The following THSD4 variants were observed in gnomAD, a reference collection of about 807,000 sequenced individuals.
The protein encoded by THSD4 is thrombospondin type 1 domain containing 4.
A neutral mutation model predicts 119.0 loss-of-function variants in THSD4; 69 were observed. That is an observed-to-expected ratio of 0.58 (90% confidence interval 0.48 to 0.71). The LOEUF (loss-of-function observed/expected upper bound fraction) is 0.71. THSD4 is among the 30% of genes least tolerant of loss of function. The pLI is 0.00. For missense variants in THSD4, 1,393 were observed against 1,391.1 expected (o/e 1.00, Z -0.02); for synonymous variants, 524 against 540.4 (o/e 0.97, Z 0.42).
chr15:71,436,980 G>C (rs2047021956), intron 7 of THSD4, among the ~76,000 whole-genome samples: 2 of 152,192 alleles, frequency 1.3e-5, no homozygotes, highest in Admixed American at 6.5e-5. Context: ...CTGCTATAAA[G>C]AAGACACCTG....
At chr15:71,720,022 C>CTTTTTT (rs750020826) in intron 8 of THSD4, among the ~76,000 whole-genome samples, 1 of 114,502 alleles carries the variant, frequency 8.7e-6, no homozygotes, top group Admixed American at 1.2e-4. Context: ...ATAACATGTG[C>CTTTTTT]TTTTTTTTTT....
intron 3 of THSD4, among the ~76,000 whole-genome samples, chr15:71,162,346 T>G (rs1834234062): frequency 6.6e-6 from 1 of 152,084 alleles, no homozygotes; most frequent in South Asian, 2.1e-4. Flanking sequence ...TTTGCTTGTC[T>G]GGGAAGGTCT....
intron 6 of THSD4, among the ~76,000 whole-genome samples, chr15:71,303,749 G>A (rs1515674): frequency 0.047 from 7,155 of 152,156 alleles, 194 homozygotes; most frequent in South Asian, 0.084. Flanking sequence ...CTGGTGCGCT[G>A]GATTAGTCAT....
At chr15:71,119,629 A>G (rs1274188319) in intron 1 of THSD4, among the ~76,000 whole-genome samples, 1 of 152,180 alleles carries the variant, frequency 6.6e-6, no homozygotes, top group Non-Finnish European at 1.5e-5. Flanking sequence ...CCCACCTGCC[A>G]CCAGACTCAC....
Position 71,590,497 on chromosome 15 carries a change from G to A in THSD4, c.1153-70033G>A, listed in dbSNP as rs566495201. On this transcript the variant is annotated intron_variant, in intron 7 of 17. Coordinates refer to ENST00000261862, the MANE Select transcript of THSD4 (RefSeq NM_024817.3). ...ACTGCATGTTCTCACTTATAAGTGG[G>A]ACCTGAATGATGAGAACACATGGAC... 4.0e-5 allele frequency among the ~76,000 whole-genome samples: 5 copies of A among 124,338 alleles called. 1 individual carries two copies. The South Asian group carries it at 1.4e-3, about 36-fold the overall frequency. 81.6% of individuals were successfully genotyped at this position (124,338 alleles called of 152,430 possible).
At chr15:71,432,114 G>A (rs1031941983) in intron 7 of THSD4, among the ~76,000 whole-genome samples, 2 of 151,750 alleles carry the variant, frequency 1.3e-5, no homozygotes, top group African/African-American at 4.8e-5. Flanking sequence ...TACTATTTTG[G>A]AACACATATT....
chr15:71,736,337 C>G (rs957259393), intron 10 of THSD4, among the ~76,000 whole-genome samples: 4 of 151,152 alleles, frequency 2.6e-5, no homozygotes, highest in African/African-American at 4.9e-5. Context: ...TGCTCTCTAT[C>G]TCTGACTCTC....
chr15:71,109,056 C>T (rs1221398175), intron 1 of THSD4, among the ~76,000 whole-genome samples: 4 of 152,166 alleles, frequency 2.6e-5, no homozygotes, highest in Non-Finnish European at 5.9e-5. Context: ...CTCTCTTCCA[C>T]CTCTAGAATT....
At chr15:71,482,314 G>A (rs895102842) in intron 7 of THSD4, among the ~76,000 whole-genome samples, 25 of 111,900 alleles carry the variant, frequency 2.2e-4, no homozygotes, top group Non-Finnish European at 4.0e-4. Flanking sequence ...TTTTTGAGAC[G>A]GAGTCTTGCT....
At chr15:71,430,190 G>C (rs1176850272) in intron 7 of THSD4, among the ~76,000 whole-genome samples, 1 of 151,944 alleles carries the variant, frequency 6.6e-6, no homozygotes, top group Non-Finnish European at 1.5e-5. Context: ...AAGTCAGAAG[G>C]GTAGGAGAAA....
chr15:71,768,438 C>T (rs2053753092), intron 16 of THSD4, among the ~76,000 whole-genome samples: 1 of 152,082 alleles, frequency 6.6e-6, no homozygotes, highest in South Asian at 2.1e-4. Flanking sequence ...CACCCCACCA[C>T]CGCAACCAAA....
At chr15:71,370,057 G>GT (rs200395477) in intron 6 of THSD4, among the ~76,000 whole-genome samples, 29,639 of 151,932 alleles carry the variant, frequency 0.2, 3,198 homozygotes, top group Non-Finnish European at 0.25. Flanking sequence ...AGATTTTCTA[G>GT]TTTTTTTGTG....
chr15:71,306,754 A>C (rs143655747), intron 6 of THSD4, among the ~76,000 whole-genome samples: 16 of 152,312 alleles, frequency 1.1e-4, no homozygotes, highest in Admixed American at 1.3e-4. Context: ...AAAGGTTCTG[A>C]GAAGTCCTGC....
intron 6 of THSD4, among the ~76,000 whole-genome samples, chr15:71,337,538 T>G (rs529439302): frequency 6.6e-6 from 1 of 152,214 alleles, no homozygotes; most frequent in Non-Finnish European, 1.5e-5. Flanking sequence ...GATAAACAGG[T>G]CTGGCCTGAT....
At chr15:71,547,253 C>T (rs530674262) in intron 7 of THSD4, 5 of 1,408,400 alleles carry the variant, frequency 3.6e-6, no homozygotes, top group East Asian at 2.7e-5. Flanking sequence ...AGGCTGAGCT[C>T]GAAGCGCCGG....
At chr15:71,307,788 CT>C (rs1400370934) in intron 6 of THSD4, among the ~76,000 whole-genome samples, 1 of 152,062 alleles carries the variant, frequency 6.6e-6, no homozygotes, top group Non-Finnish European at 1.5e-5. Flanking sequence ...ACAAAAAATG[CT>C]TTCATACTCA....
At chr15:71,164,945 TC>T (rs1464262659) in intron 3 of THSD4, 1 of 1,591,488 alleles carries the variant, frequency 6.3e-7, no homozygotes, top group Non-Finnish European at 8.6e-7. Flanking sequence ...TGCAGCAATA[TC>T]CTTTTCGTAT....
chr15:71,726,853 C>T (rs1310182215), intron 8 of THSD4, among the ~76,000 whole-genome samples: 1 of 151,934 alleles, frequency 6.6e-6, no homozygotes, highest in Admixed American at 6.6e-5. Context: ...AGGAGAATTG[C>T]TTGAACCCAG....
intron 5 of THSD4, among the ~76,000 whole-genome samples, chr15:71,243,652 T>G (rs1343140021): frequency 7.2e-5 from 11 of 152,212 alleles, no homozygotes. Flanking sequence ...ATAGCTGTAC[T>G]CATGCATATA....
Sources: allele counts gnomAD v4.1 joint callset (sites outside exome capture counted in the v4.1 genomes callset), GRCh38; gene constraint gnomAD v4.1.1; transcripts MANE v1.5; gene names NCBI Gene and HGNC (gene_info 2026-07-23, HGNC 2026-07-21).